Variants in STARD13 observed in about 807,000 individuals in gnomAD.
STARD13 encodes the protein stAR-related lipid transfer protein 13.
A neutral mutation model predicts 106.4 loss-of-function variants in STARD13; 62 were observed. The ratio of observed to expected loss-of-function variants is 0.58; its 90% CI spans 0.48 to 0.72. The LOEUF is 0.72. Among genes scored for constraint, STARD13 ranks in the 30% least tolerant of loss-of-function variants. The pLI is 0.00. For missense variants in STARD13, 1,387 were observed against 1,424.0 expected, an observed-to-expected ratio of 0.97 and a Z score of 0.42; for synonymous variants, 565 against 553.0, an observed-to-expected ratio of 1.02 and a Z score of -0.31.
the STARD13 span, among the ~76,000 whole-genome samples, chr13:33,616,146 AAGAG>A: frequency 1.5e-4 from 22 of 150,272 alleles, no homozygotes; most frequent in Middle Eastern, 0.017. Context: ...GACAGGGAAA[AAGAG>A]AGAGAGAGAG....
the STARD13 span, among the ~76,000 whole-genome samples, chr13:33,448,814 G>A: frequency 6.6e-6 from 1 of 152,080 alleles, no homozygotes; most frequent in Non-Finnish European, 1.5e-5. Flanking sequence ...AGAATGAAGT[G>A]ATATCTATTT....
At chr13:33,653,529 C>T in the STARD13 span, among the ~76,000 whole-genome samples, 13 of 152,012 alleles carry the variant, frequency 8.6e-5, no homozygotes, top group African/African-American at 2.2e-4. Flanking sequence ...AACATTAACT[C>T]GAAATGGACC....
At chr13:33,296,436 G>A (rs73179067) in intron 1 of STARD13, among the ~76,000 whole-genome samples, 36 of 2,932 alleles carry the variant, frequency 0.012, no homozygotes, top group East Asian at 0.044. Flanking sequence ...ATAGTGACAC[G>A]TGTGTGTGTG....
intron 1 of STARD13, among the ~76,000 whole-genome samples, chr13:33,224,503 G>A (rs1400215287): frequency 6.6e-6 from 1 of 152,152 alleles, no homozygotes; most frequent in Non-Finnish European, 1.5e-5. Flanking sequence ...ACAGCGTGAT[G>A]GAGACTTCAT....
the STARD13 span, among the ~76,000 whole-genome samples, chr13:33,474,786 A>G: frequency 2.6e-5 from 4 of 152,228 alleles, no homozygotes; most frequent in Non-Finnish European, 5.9e-5. Context: ...GAATTTCTTG[A>G]CAAATAAGAC....
chr13:33,327,832 G>A (rs1305179326), intron 1 of STARD13, among the ~76,000 whole-genome samples: 2 of 152,188 alleles, frequency 1.3e-5, no homozygotes, highest in East Asian at 1.9e-4. Context: ...GTTTTTCATG[G>A]TCAAACCTGA....
the STARD13 span, among the ~76,000 whole-genome samples, chr13:33,513,179 G>T: frequency 1.3e-5 from 2 of 152,128 alleles, no homozygotes; most frequent in African/African-American, 4.8e-5. Flanking sequence ...GTGAGATAGG[G>T]TAAAGGGTCA....
the STARD13 span, among the ~76,000 whole-genome samples, chr13:33,659,072 T>G: frequency 6.6e-6 from 1 of 152,090 alleles, no homozygotes; most frequent in South Asian, 2.1e-4. Context: ...TGCATCCTTT[T>G]GTAATATCCT....
chr13:33,139,625 C>T (rs1470156314), intron 4 of STARD13, among the ~76,000 whole-genome samples: 2 of 152,142 alleles, frequency 1.3e-5, no homozygotes, highest in Non-Finnish European at 1.5e-5. Context: ...GAGGAAATCC[C>T]GCTGCCTTAT....
chr13:33,591,269 C>G, the STARD13 span, among the ~76,000 whole-genome samples: 9 of 152,266 alleles, frequency 5.9e-5, no homozygotes, highest in African/African-American at 2.2e-4. Context: ...TCTGAAGCCA[C>G]GTTTATTAAA....
chr13:33,642,563 G>A, the STARD13 span, among the ~76,000 whole-genome samples: 2 of 152,140 alleles, frequency 1.3e-5, no homozygotes, highest in African/African-American at 4.8e-5. Context: ...ACTCCCAGGA[G>A]CCCCGTTTAC....
chr13:33,111,698 A>C (rs567782109), intron 10 of STARD13, 80 bp downstream of exon 10: 1 of 861,686 alleles, frequency 1.2e-6, no homozygotes, highest in East Asian at 2.5e-5. Flanking sequence ...GATAGAAACC[A>C]TAAATGTAGC....
chr13:33,671,533 C>T, the STARD13 span, among the ~76,000 whole-genome samples: 3 of 152,208 alleles, frequency 2.0e-5, no homozygotes, highest in Admixed American at 1.3e-4. Context: ...AGTTCAAGAC[C>T]GGCCTGGGCA....
chr13:33,317,382 C>T (rs144694758), intron 1 of STARD13, among the ~76,000 whole-genome samples: 302 of 152,296 alleles, frequency 2.0e-3, no homozygotes, highest in African/African-American at 7.0e-3. Context: ...ACAATCAACA[C>T]CTGATGGTCT....
chr13:33,337,109 A>C (rs981639061), intron 1 of STARD13, among the ~76,000 whole-genome samples: 24 of 152,130 alleles, frequency 1.6e-4, no homozygotes, highest in African/African-American at 4.3e-4. Context: ...ATAAGACTAG[A>C]CTCCAGTCAG....
chr13:33,292,427 C>CAA (rs58278434), intron 1 of STARD13, among the ~76,000 whole-genome samples: 2,207 of 113,174 alleles, frequency 0.02, 54 homozygotes, highest in African/African-American at 0.063. Context: ...CCCATCTCTA[C>CAA]AAAAAAAAAA....
At chr13:33,654,193 T>C in the STARD13 span, among the ~76,000 whole-genome samples, 2 of 152,110 alleles carry the variant, frequency 1.3e-5, no homozygotes, top group East Asian at 1.9e-4. Flanking sequence ...AATGAAAACA[T>C]GTGCATGCAT....
the STARD13 span, among the ~76,000 whole-genome samples, chr13:33,592,958 C>A: frequency 2.4e-4 from 37 of 152,072 alleles, no homozygotes; most frequent in African/African-American, 8.9e-4. Flanking sequence ...CTCAACATAT[C>A]ATGGGGAGAG....
the STARD13 span, among the ~76,000 whole-genome samples, chr13:33,380,588 T>G: frequency 1.3e-5 from 2 of 150,122 alleles, no homozygotes; most frequent in African/African-American, 4.9e-5. Context: ...GCCCTGGCCC[T>G]GAAGCAAGAA....
Sources: gnomAD v4.1 joint callset for allele counts (sites outside exome capture counted in the v4.1 genomes callset) on GRCh38, gnomAD v4.1.1 for gene constraint, MANE v1.5 for transcripts, NCBI Gene and HGNC (gene_info 2026-07-23, HGNC 2026-07-21) for gene names.